The following SEC24D variants were observed in gnomAD, a reference collection of about 807,000 sequenced individuals.
The protein encoded by SEC24D is protein transport protein Sec24D.
In SEC24D, 69 loss-of-function variants were observed where a neutral mutation model predicts 116.9. The ratio of observed to expected loss-of-function variants is 0.59; its 90% CI spans 0.49 to 0.72. The LOEUF is 0.72. SEC24D is among the 30% of genes least tolerant of loss of function. The pLI is 0.00. For synonymous variants in SEC24D, 405 were observed against 442.8 expected (o/e 0.91, Z 1.07); for missense variants, 1,131 against 1,264.1 (o/e 0.89, Z 1.60).
chr4:118,764,822 C>T lies in SEC24D; in HGVS notation c.1276G>A (p.Ala426Thr), dbSNP rs1207823352. The T allele has an allele frequency of 6.3e-7, 1 of 1,596,870 alleles. No homozygotes were observed. The highest frequency in any genetic ancestry group is 2.2e-5 in the East Asian group (1 of 44,672). Residue 426 changes from alanine (A) to threonine (T), a missense_variant, in exon 10 of 23, where the codon GCC becomes ACC. By Grantham distance (58) the Ala-to-Thr change is moderately conservative. Transcript: ENST00000280551. ...ELSLGSYEYV[A>T]TLDYCRKSKP... Reference sequence around the variant, plus strand: ...CTTACTCTGCAATAATCCAAAGTGGCAACATATTCATAAGATCCTAGAGAT... The same window carrying T: ...CTTACTCTGCAATAATCCAAAGTGGTAACATATTCATAAGATCCTAGAGAT...
At chr4:118,777,019 A>G (rs1699329229) in intron 8 of SEC24D, among the ~76,000 whole-genome samples, 1 of 152,210 alleles carries the variant, frequency 6.6e-6, no homozygotes, top group Non-Finnish European at 1.5e-5. Flanking sequence ...TAAATTAGTC[A>G]AAGTATTCCC....
intron 6 of SEC24D, among the ~76,000 whole-genome samples, chr4:118,811,434 T>C (rs1729917538): frequency 6.6e-6 from 1 of 152,264 alleles, no homozygotes; most frequent in Non-Finnish European, 1.5e-5. Flanking sequence ...AACACCAGTC[T>C]AAGTCTAAAT....
intron 22 of SEC24D, among the ~76,000 whole-genome samples, chr4:118,724,241 AG>A (rs1250804671): frequency 6.6e-6 from 1 of 152,018 alleles, no homozygotes; most frequent in Non-Finnish European, 1.5e-5. Context: ...GGAGGTGGAA[AG>A]GGGGTAGATT....
intron 8 of SEC24D, chr4:118,769,655 A>G (rs1288810051): frequency 6.6e-6 from 1 of 152,146 alleles, no homozygotes; most frequent in Non-Finnish European, 1.5e-5. Flanking sequence ...CTCAGAGCAG[A>G]AAAAAACAGG....
At position 118,817,288 on chromosome 4, in the gene SEC24D, T is replaced by C; in HGVS notation, c.373A>G (p.Ser125Gly). 6.2e-7 allele frequency: 1 copy of C among 1,613,208 alleles called. No individual in the cohort carries two copies. The highest frequency in any genetic ancestry group is 1.1e-5 in the South Asian group (1 of 90,952). Reference protein sequence around the residue: ...SSVTQLGSQLSAMQINSYGSG... With the variant: ...SSVTQLGSQLGAMQINSYGSG... Reference sequence around the variant, plus strand: ...CCATAGCTGTTGATTTGCATAGCACTGAGCTGGCTGCCCAGCTGGGTGACA... The same window carrying C: ...CCATAGCTGTTGATTTGCATAGCACCGAGCTGGCTGCCCAGCTGGGTGACA... The change falls in exon 4 of 23, where the codon AGT becomes GGT. Residue 125 changes from serine to glycine, a missense_variant. Physicochemically the swap from Ser to Gly is moderately conservative, Grantham distance 56. Coordinates refer to ENST00000280551, the MANE Select transcript of SEC24D (RefSeq NM_014822.4).
intron 10 of SEC24D, among the ~76,000 whole-genome samples, chr4:118,764,143 G>A (rs1463138178): frequency 1.3e-5 from 2 of 152,150 alleles, no homozygotes. Flanking sequence ...TAACTGAAGA[G>A]ACAGCTGAGG....
chr4:118,791,630 T>C (rs1728904765), intron 8 of SEC24D, among the ~76,000 whole-genome samples: 1 of 152,152 alleles, frequency 6.6e-6, no homozygotes, highest in African/African-American at 2.4e-5. Context: ...CCCTGCCTGA[T>C]TCTCCTGCCT....
intron 7 of SEC24D, among the ~76,000 whole-genome samples, chr4:118,801,357 A>G (rs1729437010): frequency 2.0e-5 from 3 of 152,210 alleles, no homozygotes; most frequent in Admixed American, 6.5e-5. Context: ...GATAGCTTCT[A>G]GGAACAGAAA....
intron 6 of SEC24D, among the ~76,000 whole-genome samples, chr4:118,810,791 A>G (rs962871932): frequency 6.6e-6 from 1 of 152,170 alleles, no homozygotes; most frequent in African/African-American, 2.4e-5. Flanking sequence ...GGAAAGGTCC[A>G]AAGACTAAGA....
intron 14 of SEC24D, among the ~76,000 whole-genome samples, chr4:118,744,407 A>C (rs1195760889): frequency 6.6e-6 from 1 of 152,190 alleles, no homozygotes; most frequent in Admixed American, 6.5e-5. Context: ...TTGATACTCC[A>C]TCAATCCTAA....
At chr4:118,789,774 T>C (rs549162388) in intron 8 of SEC24D, among the ~76,000 whole-genome samples, 8 of 152,132 alleles carry the variant, frequency 5.3e-5, no homozygotes, top group Non-Finnish European at 7.4e-5. Context: ...TTAGTAGAGA[T>C]GGGGTTTCAC....
chr4:118,739,057 G>C lies in SEC24D; in HGVS notation c.2377+92C>G. On this transcript the variant is annotated intron_variant, in intron 18 of 22. Transcript: ENST00000280551. ...TAGTTCTGAATTTACCCACCATAAG[G>C]TTGCAAAACTACAGTGCTTTTTAGC... 2.4e-5 allele frequency: 29 copies of C among 1,224,422 alleles called. No individual in the cohort carries two copies. The South Asian group carries it at 3.3e-4, about 14-fold the overall frequency. 75.8% of individuals were successfully genotyped at this position (1,224,422 alleles called of 1,614,324 possible).
intron 8 of SEC24D, among the ~76,000 whole-genome samples, chr4:118,795,921 A>C (rs1402092772): frequency 6.6e-6 from 1 of 152,226 alleles, no homozygotes; most frequent in Non-Finnish European, 1.5e-5. Flanking sequence ...ATTGTAAATG[A>C]ATTTTGCCTC....
intron 13 of SEC24D, among the ~76,000 whole-genome samples, chr4:118,745,723 G>A (rs1726486540): frequency 6.6e-6 from 1 of 152,196 alleles, no homozygotes; most frequent in Non-Finnish European, 1.5e-5. Flanking sequence ...AAGGAGCTAA[G>A]AAGTAACCTA....
chr4:118,834,417 AG>A (rs957263065), intron 1 of SEC24D, among the ~76,000 whole-genome samples: 2 of 152,234 alleles, frequency 1.3e-5, no homozygotes, highest in African/African-American at 2.4e-5. Flanking sequence ...TAGGGGACTA[AG>A]GAAAAAAAGT....
intron 4 of SEC24D, chr4:118,816,781 C>G (rs1211323484): frequency 6.6e-6 from 3 of 455,772 alleles, no homozygotes; most frequent in Non-Finnish European, 1.3e-5. Flanking sequence ...AATCTCAGTA[C>G]TGTGACTCTT....
At chr4:118,791,948 C>T (rs1348373362) in intron 8 of SEC24D, among the ~76,000 whole-genome samples, 1 of 152,008 alleles carries the variant, frequency 6.6e-6, no homozygotes, top group East Asian at 1.9e-4. Flanking sequence ...ACCGCCACCC[C>T]GTCTAGGAAG....
At chr4:118,728,164 A>G (rs1330419933) in intron 22 of SEC24D, among the ~76,000 whole-genome samples, 2 of 152,362 alleles carry the variant, frequency 1.3e-5, no homozygotes, top group East Asian at 3.9e-4. Context: ...GACAAGAATA[A>G]CAAAACTTTT....
At chr4:118,732,556 A>G (rs953482154) in intron 20 of SEC24D, among the ~76,000 whole-genome samples, 177 bp downstream of exon 20, 5 of 152,264 alleles carry the variant, frequency 3.3e-5, no homozygotes, top group African/African-American at 1.2e-4. Context: ...ACTGATGCAC[A>G]TAAGCAACTT....
Sources: gnomAD v4.1 joint callset for allele counts (sites outside exome capture counted in the v4.1 genomes callset) on GRCh38, gnomAD v4.1.1 for gene constraint, MANE v1.5 for transcripts, NCBI Gene and HGNC (gene_info 2026-07-23, HGNC 2026-07-21) for gene names.